The following MGAT4C variants were observed in gnomAD, a reference collection of about 807,000 sequenced individuals.
MGAT4C encodes alpha-1,3-mannosyl-glycoprotein 4-beta-N-acetylglucosaminyltransferase C.
In MGAT4C, 19 loss-of-function variants were observed where a neutral mutation model predicts 40.1. That is an observed-to-expected ratio of 0.47 (90% CI 0.33 to 0.70). MGAT4C has a LOEUF of 0.70. MGAT4C is among the 30% of genes least tolerant of loss of function. The pLI is 0.02. For missense variants in MGAT4C, 491 were observed against 563.2 expected (o/e 0.87, Z 1.30); for synonymous variants, 181 against 187.1 (o/e 0.97, Z 0.27).
chr12:86,345,928 T>A (rs1391319899), intron 3 of MGAT4C, among the ~76,000 whole-genome samples: 1 of 152,200 alleles, frequency 6.6e-6, no homozygotes, highest in African/African-American at 2.4e-5. Context: ...GTTTCCTGAC[T>A]TTTTAATGAT....
intron 1 of MGAT4C, among the ~76,000 whole-genome samples, chr12:86,212,514 T>C (rs922352379): frequency 6.6e-6 from 1 of 152,046 alleles, no homozygotes; most frequent in Non-Finnish European, 1.5e-5. Flanking sequence ...ATCACGTAAT[T>C]GATACTTCAA....
chr12:86,336,854 T>A (rs1260498609), intron 3 of MGAT4C, among the ~76,000 whole-genome samples: 1 of 152,128 alleles, frequency 6.6e-6, no homozygotes, highest in African/African-American at 2.4e-5. Flanking sequence ...TGTATGCGAG[T>A]TCACTTTTAT....
intron 4 of MGAT4C, among the ~76,000 whole-genome samples, chr12:86,317,011 G>GA (rs1239161837): frequency 6.6e-6 from 1 of 151,200 alleles, no homozygotes; most frequent in African/African-American, 2.4e-5. Flanking sequence ...AGAAAGGACA[G>GA]AAAAAAGAAG....
At chr12:86,808,171 G>A (rs1952398904) in intron 1 of MGAT4C, among the ~76,000 whole-genome samples, 1 of 152,002 alleles carries the variant, frequency 6.6e-6, no homozygotes, top group Non-Finnish European at 1.5e-5. Flanking sequence ...AGAACCAGAT[G>A]GATTTACAGC....
intron 1 of MGAT4C, among the ~76,000 whole-genome samples, chr12:86,151,394 C>T (rs1375210463): frequency 2.6e-5 from 4 of 152,072 alleles, no homozygotes; most frequent in Non-Finnish European, 5.9e-5. Context: ...GGGTGGATCA[C>T]GACGTCAGGA....
chr12:86,642,625 G>T (rs114425029), intron 2 of MGAT4C, among the ~76,000 whole-genome samples: 1 of 151,814 alleles, frequency 6.6e-6, no homozygotes, highest in African/African-American at 2.4e-5. Flanking sequence ...ACTAGGTTAT[G>T]CCAGATACTA....
intron 4 of MGAT4C, among the ~76,000 whole-genome samples, chr12:86,315,825 C>T (rs1280301970): frequency 6.6e-6 from 1 of 151,546 alleles, no homozygotes; most frequent in East Asian, 1.9e-4. Context: ...GTAGCAAAAA[C>T]GAAAATTGAC....
intron 1 of MGAT4C, among the ~76,000 whole-genome samples, chr12:86,815,904 C>T (rs1461473347): frequency 6.6e-6 from 1 of 151,668 alleles, no homozygotes; most frequent in East Asian, 1.9e-4. Flanking sequence ...AGTGTATACT[C>T]CTTAGGCGAT....
intron 3 of MGAT4C, among the ~76,000 whole-genome samples, chr12:86,416,010 T>C (rs978090354): frequency 2.0e-5 from 3 of 152,112 alleles, no homozygotes; most frequent in African/African-American, 7.2e-5. Flanking sequence ...AAATGCTATT[T>C]AGAGGGGAAA....
intron 1 of MGAT4C, among the ~76,000 whole-genome samples, chr12:86,165,670 T>G (rs890215239): frequency 6.6e-6 from 1 of 152,162 alleles, no homozygotes; most frequent in Non-Finnish European, 1.5e-5. Flanking sequence ...AAATTGCCAA[T>G]GGAATTTTAA....
chr12:86,443,427 T>C (rs1957271795), intron 2 of MGAT4C, among the ~76,000 whole-genome samples: 1 of 152,152 alleles, frequency 6.6e-6, no homozygotes, highest in Non-Finnish European at 1.5e-5. Flanking sequence ...GTTACTACTT[T>C]AAATTACTGA....
At chr12:86,408,469 CTCTCTCTCTCTATATATA>C (rs1401137211) in intron 3 of MGAT4C, among the ~76,000 whole-genome samples, 7 of 109,374 alleles carry the variant, frequency 6.4e-5, no homozygotes, top group African/African-American at 2.7e-4. Flanking sequence ...CTCTCTCTCT[CTCTCTCTCTCTATATATA>C]TATATATATA....
At chr12:86,508,461 T>C (rs1024661402) in intron 2 of MGAT4C, among the ~76,000 whole-genome samples, 1 of 152,188 alleles carries the variant, frequency 6.6e-6, no homozygotes, top group Non-Finnish European at 1.5e-5. Flanking sequence ...TCTATCATTG[T>C]TGGACATTTG....
intron 1 of MGAT4C, among the ~76,000 whole-genome samples, chr12:86,836,909 T>C (rs1320918737): frequency 6.6e-6 from 1 of 152,124 alleles, no homozygotes; most frequent in East Asian, 1.9e-4. Flanking sequence ...TTGTGCCTCC[T>C]TTAGCACATT....
At chr12:86,410,753 T>G (rs1956587529) in intron 3 of MGAT4C, among the ~76,000 whole-genome samples, 1 of 152,202 alleles carries the variant, frequency 6.6e-6, no homozygotes, top group Non-Finnish European at 1.5e-5. Flanking sequence ...CTTCACAATT[T>G]ATGTTCAGAC....
intron 2 of MGAT4C, among the ~76,000 whole-genome samples, chr12:86,514,089 C>T (rs1958642054): frequency 6.6e-6 from 1 of 151,444 alleles, no homozygotes; most frequent in Non-Finnish European, 1.5e-5. Context: ...CACACACACA[C>T]ACACACACAC....
chr12:85,979,986 G>A lies in MGAT4C; in HGVS notation c.740C>T (p.Thr247Ile), dbSNP rs1448353294. The A allele has an allele frequency of 6.2e-7, 1 of 1,613,674 alleles. No individual in the cohort carries two copies. Among genetic ancestry groups the A allele is most frequent in the Non-Finnish European group, 8.5e-7 (1 of 1,179,824 alleles). The stretch of plus-strand genomic sequence containing the variant: ...AGAGAATTCAAGAGTTACCCAGTAA[G>A]TTCCTTCTAGGGATGCAATGACTTT... ...IKKVIASLEG[T>I]YWVTLEFSKL... Residue 247 changes from threonine (T) to isoleucine (I), a missense_variant, in exon 5 of 5, where the codon ACT becomes ATT. Thr to Ile is a moderately conservative substitution (Grantham distance 89, BLOSUM62 -1). Transcript: ENST00000611864.
At chr12:86,003,646 T>C (rs1394369942) in intron 2 of MGAT4C, among the ~76,000 whole-genome samples, 2 of 152,188 alleles carry the variant, frequency 1.3e-5, no homozygotes, top group Admixed American at 6.5e-5. Flanking sequence ...AAATTATTTT[T>C]GTTAACTTGA....
At chr12:86,251,968 A>T (rs1371099977) in intron 1 of MGAT4C, among the ~76,000 whole-genome samples, 1 of 152,036 alleles carries the variant, frequency 6.6e-6, no homozygotes, top group Non-Finnish European at 1.5e-5. Context: ...TAATTCATGG[A>T]TATAAGTTGT....
Sources: gnomAD v4.1 joint callset for allele counts (sites outside exome capture counted in the v4.1 genomes callset) on GRCh38, gnomAD v4.1.1 for gene constraint, MANE v1.5 for transcripts, NCBI Gene and HGNC (gene_info 2026-07-23, HGNC 2026-07-21) for gene names.